Variants in PRIM2 observed in about 807,000 individuals in gnomAD.
PRIM2 encodes DNA primase subunit 2, also known as DNA primase large subunit.
A neutral mutation model predicts 67.3 loss-of-function variants in PRIM2; 39 were observed. The observed-to-expected ratio is 0.58, with a 90% CI of 0.45 to 0.76. The LOEUF (loss-of-function observed/expected upper bound fraction) is 0.76. Among genes scored for constraint, PRIM2 ranks in the 30% least tolerant of loss-of-function variants. The pLI, the probability that PRIM2 is intolerant of heterozygous loss-of-function variation, is 0.00. For synonymous variants in PRIM2, 143 were observed against 198.7 expected (o/e 0.72, Z 2.36); for missense variants, 398 against 598.7 (o/e 0.66, Z 3.50).
intron 7 of PRIM2, among the ~76,000 whole-genome samples, chr6:57,484,187 T>C (rs1773693511): frequency 1.3e-5 from 2 of 152,348 alleles, no homozygotes; most frequent in East Asian, 1.9e-4. Context: ...TTGAGCTTTA[T>C]AGGCCTAAAA....
rs536384649 is a variant in PRIM2, at chr6:57,337,807, C to A, written c.459+11762C>A. ...AACATCACAATTAGGATTAGAAAAG[C>A]AAGAACAGACAAATTTAAAAGGTAG... On this transcript the variant is annotated intron_variant, in intron 5 of 13. Coordinates refer to ENST00000615550, the MANE Select transcript of PRIM2 (RefSeq NM_000947.5). Among the ~76,000 whole-genome samples the A allele has an allele frequency of 2.6e-5, 4 of 151,332 alleles. No individual in the cohort carries two copies. The South Asian group carries it at 8.3e-4, about 32-fold the overall frequency.
chr6:57,519,379 G>A (rs1554348634), intron 8 of PRIM2, among the ~76,000 whole-genome samples: 2 of 152,152 alleles, frequency 1.3e-5, no homozygotes, highest in Non-Finnish European at 2.9e-5. Context: ...CTGCAGTCTC[G>A]ACCATAAGAG....
rs1264143262 is a variant in PRIM2, at chr6:57,617,740, CA to C, written c.1230+11287del. 4.6e-5 allele frequency among the ~76,000 whole-genome samples: 7 copies of C among 152,176 alleles called. No homozygotes were observed. In the South Asian group the frequency reaches 1.5e-3, roughly 32 times the overall value. On this transcript the variant is annotated intron_variant, in intron 12 of 13. Coordinates refer to ENST00000615550, the MANE Select transcript of PRIM2 (RefSeq NM_000947.5). Reference sequence around the variant, plus strand: ...CAACTTCTTAATGTCTATTGGTGGACAAAAGATTTTAATTTTGATGAAGTTT... The same window carrying C: ...CAACTTCTTAATGTCTATTGGTGGACAAAGATTTTAATTTTGATGAAGTTT...
Position 57,514,902 on chromosome 6 carries a change from T to G in PRIM2, c.761+7448T>G, listed in dbSNP as rs1414401767. ...ATACCCAAAGCTGCACCGGAATAGT[T>G]GCTGCAAGTTAAGTAGATAGTAAAG... On this transcript the variant is annotated intron_variant, in intron 8 of 13. Coordinates refer to ENST00000615550, the MANE Select transcript of PRIM2 (RefSeq NM_000947.5). Among the ~76,000 whole-genome samples the G allele has an allele frequency of 2.9e-4, 44 of 152,276 alleles. 1 individual carries two copies. Among genetic ancestry groups the G allele is most frequent in the African/African-American group, 9.4e-4 (39 of 41,566 alleles).
intron 7 of PRIM2, among the ~76,000 whole-genome samples, chr6:57,489,021 CTT>C (rs1773817225): frequency 1.3e-5 from 2 of 152,330 alleles, no homozygotes; most frequent in Admixed American, 6.5e-5. Context: ...TGTGAGAACT[CTT>C]TATCTCTTTA....
intron 10 of PRIM2, among the ~76,000 whole-genome samples, chr6:57,562,688 A>G (rs1235739635): frequency 6.6e-6 from 1 of 152,182 alleles, no homozygotes; most frequent in African/African-American, 2.4e-5. Flanking sequence ...TTCTGCCCCA[A>G]ACCAACTCCT....
the PRIM2 span, among the ~76,000 whole-genome samples, chr6:57,304,019 T>G: frequency 1.3e-5 from 2 of 152,182 alleles, no homozygotes; most frequent in Admixed American, 6.5e-5. Context: ...ATTTTTACTT[T>G]ATAACCCACA....
chr6:57,374,306 T>TATTTA (rs1554331463), intron 5 of PRIM2, among the ~76,000 whole-genome samples: 1 of 145,914 alleles, frequency 6.9e-6, no homozygotes. Flanking sequence ...TTTATTTATT[T>TATTTA]TTTTTGAGAC....
the PRIM2 span, among the ~76,000 whole-genome samples, chr6:57,241,017 G>T: frequency 1.8e-4 from 28 of 152,112 alleles, no homozygotes; most frequent in Admixed American, 1.4e-3. Context: ...GAGGTCAGGA[G>T]ATCGAGACCA....
At chr6:57,506,830 A>T (rs1214722753) in intron 7 of PRIM2, among the ~76,000 whole-genome samples, 1 of 152,168 alleles carries the variant, frequency 6.6e-6, no homozygotes, top group Non-Finnish European at 1.5e-5. Context: ...GCTCAATTTG[A>T]GGTCATATTT....
chr6:57,373,310 T>C (rs1381881604), intron 5 of PRIM2, among the ~76,000 whole-genome samples: 1 of 151,970 alleles, frequency 6.6e-6, no homozygotes, highest in Non-Finnish European at 1.5e-5. Context: ...TAATGTTTTT[T>C]TTTTTCTTGT....
intron 10 of PRIM2, among the ~76,000 whole-genome samples, chr6:57,543,869 G>A (rs1775231667): frequency 6.6e-6 from 1 of 152,070 alleles, no homozygotes; most frequent in African/African-American, 2.4e-5. Context: ...GTCATCCAAA[G>A]TATAAATATT....
intron 7 of PRIM2, among the ~76,000 whole-genome samples, chr6:57,397,997 T>G (rs9464469): frequency 0.62 from 91,125 of 146,464 alleles, 28,761 homozygotes; most frequent in African/African-American, 0.72. Context: ...GTCTTGCTCT[T>G]GTTCCAGGCT....
upstream of PRIM2, among the ~76,000 whole-genome samples, chr6:57,310,785 G>A (rs1368499885): frequency 6.6e-6 from 1 of 151,134 alleles, no homozygotes; most frequent in East Asian, 2.0e-4. Context: ...CAGACAAAGA[G>A]CGGCCAGGCA....
intron 7 of PRIM2, among the ~76,000 whole-genome samples, chr6:57,412,568 G>A (rs546575540): frequency 2.0e-5 from 3 of 151,694 alleles, no homozygotes; most frequent in Non-Finnish European, 4.4e-5. Context: ...CATGATATAC[G>A]AGAAGAGCTG....
At chr6:57,535,168 G>T (rs1351428698) in intron 9 of PRIM2, among the ~76,000 whole-genome samples, 2 of 151,996 alleles carry the variant, frequency 1.3e-5, no homozygotes, top group Non-Finnish European at 2.9e-5. Flanking sequence ...TAGAAATTGA[G>T]GTGGGTCTTG....
chr6:57,271,413 C>T, the PRIM2 span, among the ~76,000 whole-genome samples: 25 of 152,268 alleles, frequency 1.6e-4, no homozygotes, highest in South Asian at 4.2e-4. Flanking sequence ...AGTTTATTTG[C>T]GTAGAGGTGT....
rs1419837499 is a variant in PRIM2, at chr6:57,633,853, G to A, written c.1299+1652G>A. ...GGGAGTAGCTGTAAATACAGATGAA[G>A]CTCCACTCACTCACCCACTGCTCAC... On this transcript the variant is annotated intron_variant, in intron 13 of 13. Coordinates refer to ENST00000615550, the MANE Select transcript of PRIM2 (RefSeq NM_000947.5). 1.4e-4 allele frequency among the ~76,000 whole-genome samples: 21 copies of A among 152,266 alleles called. No homozygotes were observed. The East Asian group carries it at 2.5e-3, about 18-fold the overall frequency.
intron 7 of PRIM2, among the ~76,000 whole-genome samples, chr6:57,442,801 T>G (rs1289037614): frequency 3.9e-5 from 6 of 152,168 alleles, no homozygotes; most frequent in Admixed American, 2.0e-4. Context: ...CATTGGAATT[T>G]ACTCTTAGCA....
Sources: gnomAD v4.1 joint callset for allele counts (sites outside exome capture counted in the v4.1 genomes callset) on GRCh38, gnomAD v4.1.1 for gene constraint, MANE v1.5 for transcripts, NCBI Gene and HGNC (gene_info 2026-07-23, HGNC 2026-07-21) for gene names.